PCDHA5: variants seen among roughly 807,000 people sequenced by gnomAD.
The protein encoded by PCDHA5 is protocadherin alpha 5.
Under a neutral mutation model 61.6 loss-of-function variants are expected in PCDHA5, and 43 were observed. That is an observed-to-expected ratio of 0.70 (90% confidence interval 0.55 to 0.90). The LOEUF is 0.90. PCDHA5 is among the 40% of genes least tolerant of loss of function. The pLI is 0.00. For missense variants in PCDHA5, 1,298 were observed against 1,222.7 expected, an observed-to-expected ratio of 1.06 and a Z score of -0.92; for synonymous variants, 627 against 543.9, an observed-to-expected ratio of 1.15 and a Z score of -2.13.
chr5:140,877,096 G>C (rs1554169320), intron 1 of PCDHA5: 1 of 1,613,378 alleles, frequency 6.2e-7, no homozygotes, highest in Non-Finnish European at 8.5e-7. Flanking sequence ...CGACGCCGGC[G>C]TGCCGCCTCT....
rs140711682 is a variant in PCDHA5, at chr5:140,849,699, A to T, written c.2352+25572A>T. On this transcript the variant is annotated intron_variant, in intron 1 of 3. Coordinates refer to ENST00000529859, the MANE Select transcript of PCDHA5 (RefSeq NM_018908.3). ...CCCCTTCAAGCTGGTGTCCACCTACAAGAATTACTACTCGTTGGTGCTGGA... is the reference window on the plus strand; with the variant it reads ...CCCCTTCAAGCTGGTGTCCACCTACTAGAATTACTACTCGTTGGTGCTGGA... 57 of 1,598,608 alleles carry T rather than the reference A, an allele frequency of 3.6e-5. 2 individuals carry two copies. The African/African-American group carries it at 7.7e-4, about 21-fold the overall frequency.
chr5:140,952,512 C>T (rs1381568463), intron 1 of PCDHA5, among the ~76,000 whole-genome samples: 1 of 152,124 alleles, frequency 6.6e-6, no homozygotes, highest in Non-Finnish European at 1.5e-5. Flanking sequence ...TCCTCATCTC[C>T]ATCTGAGACC....
At chr5:140,942,338 G>A (rs1554214916) in intron 1 of PCDHA5, among the ~76,000 whole-genome samples, 1 of 152,042 alleles carries the variant, frequency 6.6e-6, no homozygotes, top group African/African-American at 2.4e-5. Flanking sequence ...TGAACCAGAG[G>A]GAGGCGGAGG....
At chr5:140,828,467 A>G (rs2150155619) in intron 1 of PCDHA5, 1 of 1,614,224 alleles carries the variant, frequency 6.2e-7, no homozygotes, top group African/African-American at 1.3e-5. Flanking sequence ...GGTGAGGGAC[A>G]TTAACGACAA....
intron 1 of PCDHA5, chr5:140,859,028 T>C (rs1281709317): frequency 6.6e-6 from 1 of 150,998 alleles, no homozygotes; most frequent in Non-Finnish European, 1.5e-5. Flanking sequence ...AGTTAAATGC[T>C]TTGAACTTTA....
chr5:140,862,825 C>G (rs782012901), intron 1 of PCDHA5: 2 of 572,056 alleles, frequency 3.5e-6, no homozygotes, highest in South Asian at 2.7e-5. Flanking sequence ...GGTGAGAGCG[C>G]GCGACGCGGG....
chr5:140,928,007 ATGG>A (rs1183344805), intron 1 of PCDHA5: 2 of 1,613,998 alleles, frequency 1.2e-6, no homozygotes, highest in Non-Finnish European at 1.7e-6. Context: ...CTCGATTCTA[ATGG>A]TAGGGTCATT....
rs190126464 is a variant in PCDHA5 at position 140,851,666 on chromosome 5, T to C, written c.2352+27539T>C. On this transcript the variant is annotated intron_variant, in intron 1 of 3. Coordinates refer to ENST00000529859, the MANE Select transcript of PCDHA5 (RefSeq NM_018908.3). The stretch of plus-strand genomic sequence containing the variant: ...CTTCAAGAAGACATTCTCCTTTTAA[T>C]TGAAATTTTCTCCATTCAGTGATAA... 22 of 916,122 alleles carry C rather than the reference T, an allele frequency of 2.4e-5. 1 individual carries two copies. The East Asian group carries it at 1.7e-3, about 72-fold the overall frequency. 56.7% of individuals were successfully genotyped at this position (916,122 alleles called of 1,614,324 possible).
At chr5:140,881,785 C>A (rs2058831561) in intron 1 of PCDHA5, among the ~76,000 whole-genome samples, 1 of 152,202 alleles carries the variant, frequency 6.6e-6, no homozygotes, top group South Asian at 2.1e-4. Context: ...AACTACCGAT[C>A]AATTGTCCCA....
In PCDHA5 at chr5:140,822,368, C is replaced by T; in HGVS notation, c.593C>T (p.Ser198Phe). Residue 198 changes from serine to phenylalanine, a missense_variant, in exon 1 of 4, where the codon TCC becomes TTC. Ser to Phe is a radical substitution (Grantham distance 155). Coordinates refer to ENST00000529859, the MANE Select transcript of PCDHA5 (RefSeq NM_018908.3). ...TNFLELVLRK[S>F]LDREETQEHR... ...TTTTTAGAGCTGGTTTTGAGGAAATCCTTAGATAGAGAAGAAACACAAGAA... is the reference window on the plus strand; with the variant it reads ...TTTTTAGAGCTGGTTTTGAGGAAATTCTTAGATAGAGAAGAAACACAAGAA... 1 of 1,614,006 alleles carries T rather than the reference C, an allele frequency of 6.2e-7. No individual in the cohort carries two copies. The highest frequency in any genetic ancestry group is 1.1e-5 in the South Asian group (1 of 91,072).
Position 140,871,086 on chromosome 5 carries a change from G to C in PCDHA5, c.2352+46959G>C, listed in dbSNP as rs556097993. The C allele has an allele frequency of 1.9e-6, 3 of 1,613,256 alleles. No individual in the cohort carries two copies. In the South Asian group the frequency reaches 3.3e-5, roughly 18 times the overall value. ...ACGGTGAGCCGGCGCTGACGGCCAC[G>C]GCCACCGTGCTGGTGTCGTTGGTGG... On this transcript the variant is annotated intron_variant, in intron 1 of 3. Coordinates refer to ENST00000529859, the MANE Select transcript of PCDHA5 (RefSeq NM_018908.3).
chr5:140,823,024 G>A lies in PCDHA5; in HGVS notation c.1249G>A (p.Val417Met), dbSNP rs2150121461. Residue 417 changes from valine to methionine, a missense_variant, in exon 1 of 4, where the codon GTG (valine) becomes ATG (methionine). Coordinates refer to ENST00000529859, the MANE Select transcript of PCDHA5 (RefSeq NM_018908.3). ...GGACAGCGCCCTGGACCGCGAGAGC[G>A]TGTCGGTCTATGAGCTGGTGGTGAC... Reference protein sequence around the residue: ...VLDSALDRESVSVYELVVTAR... With the variant: ...VLDSALDRESMSVYELVVTAR... 3 of 1,614,202 alleles carry A rather than the reference G, an allele frequency of 1.9e-6. No individual in the cohort carries two copies. Among genetic ancestry groups the A allele is most frequent in the Admixed American group, 1.7e-5 (1 of 60,036 alleles).
intron 1 of PCDHA5, among the ~76,000 whole-genome samples, chr5:140,840,938 GA>G (rs1162522962): frequency 6.6e-6 from 1 of 151,908 alleles, no homozygotes; most frequent in Non-Finnish European, 1.5e-5. Flanking sequence ...TACGATATTT[GA>G]AATATTGGGA....
chr5:140,889,868 G>A (rs905154258), intron 1 of PCDHA5, among the ~76,000 whole-genome samples: 2 of 152,136 alleles, frequency 1.3e-5, no homozygotes, highest in African/African-American at 4.8e-5. Context: ...TTTGGGGGAA[G>A]CCTGCCACCA....
chr5:140,994,667 T>G (rs2097644091), intron 3 of PCDHA5, among the ~76,000 whole-genome samples: 1 of 152,140 alleles, frequency 6.6e-6, no homozygotes, highest in Non-Finnish European at 1.5e-5. Flanking sequence ...ATCACACTAC[T>G]GCACTCCAGC....
chr5:140,873,534 T>C (rs1274405604), intron 1 of PCDHA5, among the ~76,000 whole-genome samples: 1 of 152,184 alleles, frequency 6.6e-6, no homozygotes, highest in Non-Finnish European at 1.5e-5. Context: ...CATTCTATGG[T>C]ATAAAATTAT....
chr5:140,923,313 C>T (rs1428494241), intron 1 of PCDHA5, among the ~76,000 whole-genome samples: 1 of 152,074 alleles, frequency 6.6e-6, no homozygotes, highest in African/African-American at 2.4e-5. Flanking sequence ...GGGCGCTTGG[C>T]CTAGAAGTTC....
At chr5:141,009,602 T>G in intron 3 of PCDHA5, 25 bp from the exon 4 acceptor site, 1 of 1,608,136 alleles carries the variant, frequency 6.2e-7, no homozygotes, top group Non-Finnish European at 8.5e-7. Flanking sequence ...ACCCTGTTAA[T>G]GATTTGTAAT....
At chr5:140,884,376 C>T (rs1554181489) in intron 1 of PCDHA5, 2 of 1,613,982 alleles carry the variant, frequency 1.2e-6, no homozygotes, top group Non-Finnish European at 1.7e-6. Context: ...TTGATCATTG[C>T]CATCTGCGCG....
Sources: allele counts gnomAD v4.1 joint callset (sites outside exome capture counted in the v4.1 genomes callset), GRCh38; gene constraint gnomAD v4.1.1; transcripts MANE v1.5; gene names NCBI Gene and HGNC (gene_info 2026-07-23, HGNC 2026-07-21).